PPM1H: variants seen among roughly 807,000 people sequenced by gnomAD.
The protein encoded by PPM1H is protein phosphatase, Mg2+/Mn2+ dependent 1H, also known as protein phosphatase 1H.
In PPM1H, 27 loss-of-function variants were observed where a neutral mutation model predicts 54.9. That is an observed-to-expected ratio of 0.49 (90% CI 0.36 to 0.68). The LOEUF (loss-of-function observed/expected upper bound fraction) is 0.68, where lower values mean the gene tolerates loss of function less well. PPM1H is among the 30% of genes least tolerant of loss of function. The pLI, the probability that PPM1H is intolerant of heterozygous loss-of-function variation, is 0.00. For missense variants in PPM1H, 596 were observed against 667.8 expected, an observed-to-expected ratio of 0.89 and a Z score of 1.19; for synonymous variants, 305 against 270.8, an observed-to-expected ratio of 1.13 and a Z score of -1.24.
At chr12:62,864,871 G>T (rs141992578) in intron 1 of PPM1H, among the ~76,000 whole-genome samples, 1 of 152,330 alleles carries the variant, frequency 6.6e-6, no homozygotes, top group Non-Finnish European at 1.5e-5. Context: ...TCCCCTGCAT[G>T]ACCTTTGAAA....
At chr12:62,727,064 G>C (rs112155945) in intron 5 of PPM1H, among the ~76,000 whole-genome samples, 1 of 151,942 alleles carries the variant, frequency 6.6e-6, no homozygotes, top group Non-Finnish European at 1.5e-5. Flanking sequence ...ACAGGCGCCC[G>C]CTACCATGCC....
At chr12:62,656,841 G>A (rs76999889) in intron 9 of PPM1H, among the ~76,000 whole-genome samples, 4,552 of 152,146 alleles carry the variant, frequency 0.03, 238 homozygotes, top group African/African-American at 0.1. Flanking sequence ...TGGCAGTGGC[G>A]TCTTGGTGGG....
chr12:62,817,132 AAAAAG>A lies in PPM1H; in HGVS notation c.411+14977_412-14973del, dbSNP rs1477227697. ...CTGCATTACTAAAAAAAAAAAAAAA[AAAAAG>A]AAAAAAAAAAAAACTAAAAAAAAGA... On this transcript the variant is annotated intron_variant, in intron 2 of 9. Transcript: ENST00000228705. Among the ~76,000 whole-genome samples, 563 of 120,750 alleles carry A rather than the reference AAAAAG, an allele frequency of 4.7e-3. 4 individuals are homozygous for A. The highest frequency in any genetic ancestry group is 0.02 in the African/African-American group (525 of 26,426). The allele number at this position is 120,750 out of a possible 152,430, so 79.2% of individuals were successfully genotyped here.
chr12:62,799,302 G>T (rs1454629191), intron 3 of PPM1H, among the ~76,000 whole-genome samples: 1 of 152,194 alleles, frequency 6.6e-6, no homozygotes. Context: ...GGAGTCCTGA[G>T]TCAATGTGAC....
At chr12:62,917,988 A>G (rs1871675992) in intron 1 of PPM1H, among the ~76,000 whole-genome samples, 1 of 152,254 alleles carries the variant, frequency 6.6e-6, no homozygotes, top group South Asian at 2.1e-4. Flanking sequence ...AAGGCAGATG[A>G]AAAAATGTTA....
At chr12:62,865,183 G>A (rs1261407475) in intron 1 of PPM1H, among the ~76,000 whole-genome samples, 3 of 152,160 alleles carry the variant, frequency 2.0e-5, no homozygotes, top group African/African-American at 7.2e-5. Context: ...CTAAGAAGGT[G>A]TCCTTTCATT....
intron 4 of PPM1H, among the ~76,000 whole-genome samples, chr12:62,780,590 G>C (rs1257307216): frequency 6.6e-6 from 1 of 152,228 alleles, no homozygotes; most frequent in African/African-American, 2.4e-5. Context: ...ACAGACATGA[G>C]CCACCGTAAC....
chr12:62,851,113 C>T (rs372175483), intron 1 of PPM1H, among the ~76,000 whole-genome samples: 1 of 151,998 alleles, frequency 6.6e-6, no homozygotes, highest in African/African-American at 2.4e-5. Flanking sequence ...TTCTAAACAC[C>T]CAGACTTTGG....
chr12:62,934,925 C>G lies in PPM1H; in HGVS notation c.-189G>C. 1 of 383,986 alleles carries G rather than the reference C, an allele frequency of 2.6e-6. No homozygotes were observed. The highest frequency in any genetic ancestry group is 4.2e-6 in the Non-Finnish European group (1 of 239,670). 23.8% of individuals were successfully genotyped at this position (383,986 alleles called of 1,614,324 possible). ...AGCCCCGGCCTCTCGTGCTTAGTGC[C>G]GCGGTGGCCGCCGCCTCCCCCCGCT... On this transcript the variant is annotated 5_prime_UTR_variant, in exon 1 of 10. Coordinates refer to ENST00000228705, the MANE Select transcript of PPM1H (RefSeq NM_020700.2). The surrounding 1 kb of genome is among the most constrained non-coding windows in gnomAD (Gnocchi z 4.2).
chr12:62,773,056 G>A (rs1000790268), intron 4 of PPM1H, among the ~76,000 whole-genome samples: 6 of 152,216 alleles, frequency 3.9e-5, no homozygotes, highest in African/African-American at 7.2e-5. Context: ...GCTGAGGCAG[G>A]AGAATCGCTT....
At chr12:62,725,789 G>A (rs577783740) in intron 5 of PPM1H, among the ~76,000 whole-genome samples, 12 of 152,004 alleles carry the variant, frequency 7.9e-5, no homozygotes, top group South Asian at 4.2e-4. Flanking sequence ...TGTCATGCCT[G>A]TCCCCTGGCT....
intron 1 of PPM1H, among the ~76,000 whole-genome samples, chr12:62,840,990 C>T (rs993296198): frequency 1.5e-4 from 22 of 144,138 alleles, no homozygotes; most frequent in Admixed American, 6.2e-4. Context: ...AGAGAGTAGG[C>T]GAATGAACCG....
intron 4 of PPM1H, among the ~76,000 whole-genome samples, chr12:62,746,982 C>T (rs1249047549): frequency 3.3e-5 from 5 of 152,124 alleles, no homozygotes; most frequent in Admixed American, 2.6e-4. Flanking sequence ...GACAGGATCT[C>T]GTTCTGTTGC....
rs529295224 is a variant in PPM1H, at chr12:62,922,436, A to C, written c.245+12056T>G. ...CAGCCTGCGATTCTAAAGTAACTTGATTTCTCTCTGGGGTTCATTTTCCTC... is the reference window on the plus strand; with the variant it reads ...CAGCCTGCGATTCTAAAGTAACTTGCTTTCTCTCTGGGGTTCATTTTCCTC... On this transcript the variant is annotated intron_variant, in intron 1 of 9. Transcript: ENST00000228705. Among the ~76,000 whole-genome samples, 3 of 151,748 alleles carry C rather than the reference A, an allele frequency of 2.0e-5. No homozygotes were observed. In the South Asian group the frequency reaches 6.2e-4, roughly 31 times the overall value.
intron 1 of PPM1H, among the ~76,000 whole-genome samples, chr12:62,894,336 G>T (rs1190951281): frequency 2.0e-5 from 3 of 152,158 alleles, no homozygotes; most frequent in African/African-American, 4.8e-5. Flanking sequence ...GGGATAAAAG[G>T]CAAGGGCAAG....
chr12:62,737,783 C>T (rs535379650), intron 4 of PPM1H, among the ~76,000 whole-genome samples, 197 bp from the exon 5 acceptor site: 1 of 152,312 alleles, frequency 6.6e-6, no homozygotes, highest in Admixed American at 6.5e-5. Flanking sequence ...GCATTGCATT[C>T]TAGTTAGCTT....
At chr12:62,766,297 C>A (rs1374838541) in intron 4 of PPM1H, among the ~76,000 whole-genome samples, 1 of 152,080 alleles carries the variant, frequency 6.6e-6, no homozygotes, top group African/African-American at 2.4e-5. Context: ...ATTTGCAGGA[C>A]ATCTTATTTA....
chr12:62,744,744 A>G (rs747087369), intron 4 of PPM1H, among the ~76,000 whole-genome samples: 1 of 152,204 alleles, frequency 6.6e-6, no homozygotes, highest in Non-Finnish European at 1.5e-5. Context: ...GATGTGGTGC[A>G]CAGTCCCTGC....
At chr12:62,836,596 T>C (rs1868509618) in intron 1 of PPM1H, among the ~76,000 whole-genome samples, 1 of 152,230 alleles carries the variant, frequency 6.6e-6, no homozygotes, top group African/African-American at 2.4e-5. Flanking sequence ...TTAGCTGTAC[T>C]TCATGGATTA....
Sources: allele counts gnomAD v4.1 joint callset (sites outside exome capture counted in the v4.1 genomes callset), GRCh38; gene constraint gnomAD v4.1.1; non-coding constraint Gnocchi (gnomAD v3.1); transcripts MANE v1.5; gene names NCBI Gene and HGNC (gene_info 2026-07-23, HGNC 2026-07-21).